The following DTNBP1 variants were observed in gnomAD, a reference collection of about 807,000 sequenced individuals.
The protein encoded by DTNBP1 is dystrobrevin binding protein 1, also known as dysbindin.
DTNBP1 carries 35 observed loss-of-function variants against 42.8 expected under a neutral mutation model. That is an observed-to-expected ratio of 0.82 (90% CI 0.63 to 1.09). The LOEUF (loss-of-function observed/expected upper bound fraction) is 1.09. Ranked by LOEUF, DTNBP1 falls within the 50% of genes least tolerant of loss-of-function variation. DTNBP1 has a pLI of 0.00. For synonymous variants in DTNBP1, 171 were observed against 162.2 expected (o/e 1.05, Z -0.41); for missense variants, 457 against 424.2 (o/e 1.08, Z -0.68).
chr6:15,648,521 C>T (rs1338735890), intron 3 of DTNBP1, among the ~76,000 whole-genome samples: 2 of 151,970 alleles, frequency 1.3e-5, no homozygotes, highest in Admixed American at 1.3e-4. Context: ...ACACAAAAAA[C>T]TATCAGGATA....
chr6:15,647,571 AAAAG>A (rs550361465), intron 3 of DTNBP1, among the ~76,000 whole-genome samples: 157 of 151,968 alleles, frequency 1.0e-3, no homozygotes, highest in Middle Eastern at 6.8e-3. Flanking sequence ...AAGAAAAAAA[AAAAG>A]ACTCAAGTTA....
rs369707591 is a variant in DTNBP1, at chr6:15,524,687, C to A, written c.668-18G>T. The A allele has an allele frequency of 6.2e-7, 1 of 1,611,252 alleles. No individual in the cohort carries two copies. The highest frequency in any genetic ancestry group is 1.1e-5 in the South Asian group (1 of 91,024). On this transcript the variant is annotated intron_variant, in intron 8 of 9. Transcript: ENST00000344537. Reference sequence around the variant, plus strand: ...TATGGGCTCTGCGGATAGATCAACACGAGAAAGGACACGCTGTCTTTAATA... The same window carrying A: ...TATGGGCTCTGCGGATAGATCAACAAGAGAAAGGACACGCTGTCTTTAATA...
chr6:15,524,349 C>T (rs934553211), intron 9 of DTNBP1, 177 bp downstream of exon 9: 40 of 1,612,940 alleles, frequency 2.5e-5, no homozygotes, highest in Non-Finnish European at 3.3e-5. Flanking sequence ...CGGAACCACA[C>T]CACTGTTGCA....
chr6:15,601,556 A>G (rs572304058), intron 6 of DTNBP1, among the ~76,000 whole-genome samples: 3 of 152,320 alleles, frequency 2.0e-5, no homozygotes, highest in African/African-American at 7.2e-5. Flanking sequence ...GTTATTTTAT[A>G]TGACAATAAT....
intron 6 of DTNBP1, among the ~76,000 whole-genome samples, chr6:15,601,159 T>C (rs909274856): frequency 4.6e-5 from 7 of 152,218 alleles, no homozygotes; most frequent in Non-Finnish European, 1.0e-4. Flanking sequence ...TAAAGATTGA[T>C]TTGTCAAGGA....
intron 8 of DTNBP1, 66 bp from the exon 9 acceptor site, chr6:15,524,735 A>G (rs1226218334): frequency 1.9e-6 from 3 of 1,589,716 alleles, no homozygotes. Context: ...GTGAACTTCC[A>G]TTGGCATTAG....
At chr6:15,535,662 A>G (rs1292019733) in intron 7 of DTNBP1, among the ~76,000 whole-genome samples, 1 of 152,166 alleles carries the variant, frequency 6.6e-6, no homozygotes, top group African/African-American at 2.4e-5. Context: ...AATGCAGCAA[A>G]TTGGTACTGG....
At chr6:15,561,167 T>C (rs777135221) in intron 7 of DTNBP1, among the ~76,000 whole-genome samples, 1 of 152,188 alleles carries the variant, frequency 6.6e-6, no homozygotes, top group Non-Finnish European at 1.5e-5. Flanking sequence ...CAGTGACCTC[T>C]GGATGCAAGC....
intron 7 of DTNBP1, among the ~76,000 whole-genome samples, chr6:15,592,246 G>A (rs1267101953): frequency 2.6e-5 from 4 of 152,164 alleles, no homozygotes; most frequent in South Asian, 2.1e-4. Context: ...TGGTTTATAC[G>A]TGAAGTATAA....
intron 5 of DTNBP1, among the ~76,000 whole-genome samples, chr6:15,618,026 TGCTGGCC>T (rs1400341276): frequency 5.3e-5 from 8 of 152,182 alleles, no homozygotes; most frequent in Non-Finnish European, 7.4e-5. Context: ...GTACTGGGAC[TGCTGGCC>T]ATATGGTGTT....
intron 7 of DTNBP1, among the ~76,000 whole-genome samples, chr6:15,535,248 T>TA (rs1406639983): frequency 6.6e-6 from 1 of 152,180 alleles, no homozygotes; most frequent in Non-Finnish European, 1.5e-5. Flanking sequence ...GCCATGATCA[T>TA]AAGTTTCCTG....
chr6:15,572,843 C>T (rs742105), intron 7 of DTNBP1, among the ~76,000 whole-genome samples: 67,657 of 151,960 alleles, frequency 0.45, 15,892 homozygotes, highest in East Asian at 0.62. Context: ...GTGATCCTCC[C>T]ACCTCAGCCT....
chr6:15,626,779 C>G (rs1759373784), intron 5 of DTNBP1, among the ~76,000 whole-genome samples: 1 of 152,086 alleles, frequency 6.6e-6, no homozygotes, highest in African/African-American at 2.4e-5. Flanking sequence ...GAGACAAGGT[C>G]TCACTATGTT....
intron 7 of DTNBP1, chr6:15,579,823 GAA>G (rs1775746028): frequency 2.2e-6 from 1 of 454,550 alleles, no homozygotes; most frequent in East Asian, 7.0e-5. Context: ...AAGAAAAAAA[GAA>G]AAGAGTGAAT....
chr6:15,640,943 T>C (rs1760310120), intron 3 of DTNBP1, among the ~76,000 whole-genome samples: 1 of 152,172 alleles, frequency 6.6e-6, no homozygotes, highest in Non-Finnish European at 1.5e-5. Context: ...CTTATGAAAG[T>C]CAAGGTGGGC....
intron 7 of DTNBP1, among the ~76,000 whole-genome samples, chr6:15,581,779 A>G (rs945955577): frequency 7.2e-5 from 11 of 152,304 alleles, no homozygotes; most frequent in Non-Finnish European, 1.6e-4. Context: ...GCGCCCAGGC[A>G]GAAATTCTTT....
chr6:15,559,381 T>C (rs555644131), intron 7 of DTNBP1, among the ~76,000 whole-genome samples: 1 of 152,276 alleles, frequency 6.6e-6, no homozygotes, highest in East Asian at 1.9e-4. Flanking sequence ...AAAATTGTCA[T>C]TTTGAAGTGT....
rs553094590 is a variant in DTNBP1, at chr6:15,636,781, A to ATGTTT, written c.222+958_222+962dup. Reference sequence around the variant, plus strand: ...TTTTAGTATTTTGATCCCGACTTCCATGTTTTGTTTTGTTTTGTTTTAATG... The same window carrying ATGTTT: ...TTTTAGTATTTTGATCCCGACTTCCATGTTTTGTTTTGTTTTGTTTTGTTTTAATG... On this transcript the variant is annotated intron_variant, in intron 4 of 9. Transcript: ENST00000344537. Among the ~76,000 whole-genome samples the ATGTTT allele has an allele frequency of 1.8e-4, 27 of 152,170 alleles. No individual in the cohort carries two copies. The South Asian group carries it at 2.3e-3, about 13-fold the overall frequency.
At chr6:15,537,050 G>A (rs1425172353) in intron 7 of DTNBP1, among the ~76,000 whole-genome samples, 1 of 152,214 alleles carries the variant, frequency 6.6e-6, no homozygotes, top group East Asian at 1.9e-4. Context: ...TATCTTGGAA[G>A]TAACTAACTT....
Sources: gnomAD v4.1 joint callset for allele counts (sites outside exome capture counted in the v4.1 genomes callset) on GRCh38, gnomAD v4.1.1 for gene constraint, MANE v1.5 for transcripts, NCBI Gene and HGNC (gene_info 2026-07-23, HGNC 2026-07-21) for gene names.